ARHGAP15: variants seen among roughly 807,000 people sequenced by gnomAD.
The protein encoded by ARHGAP15 is Rho GTPase activating protein 15.
ARHGAP15 carries 51 observed loss-of-function variants against 63.7 expected under a neutral mutation model. That is an observed-to-expected ratio of 0.80 (90% CI 0.64 to 1.01). The LOEUF (loss-of-function observed/expected upper bound fraction) is 1.01, where lower values mean the gene tolerates loss of function less well. Ranked by LOEUF, ARHGAP15 falls within the 50% of genes least tolerant of loss-of-function variation. ARHGAP15 has a pLI of 0.00. For synonymous variants in ARHGAP15, 191 were observed against 193.8 expected (o/e 0.99, Z 0.12); for missense variants, 560 against 564.6 (o/e 0.99, Z 0.08).
At chr2:143,647,628 A>G (rs1680950328) in intron 12 of ARHGAP15, among the ~76,000 whole-genome samples, 1 of 152,048 alleles carries the variant, frequency 6.6e-6, no homozygotes, top group Non-Finnish European at 1.5e-5. Context: ...TAATTGTAAG[A>G]GGACAAGCCA....
At chr2:143,379,427 G>A (rs1247814284) in intron 6 of ARHGAP15, among the ~76,000 whole-genome samples, 1 of 150,162 alleles carries the variant, frequency 6.7e-6, no homozygotes, top group Non-Finnish European at 1.5e-5. Flanking sequence ...GACCCACACT[G>A]ACCATTCATA....
In ARHGAP15 at chr2:143,325,888, G is replaced by A. The variant is rs16822353; in HGVS notation, c.474+75288G>A. 9.7e-3 allele frequency among the ~76,000 whole-genome samples: 1,478 copies of A among 152,184 alleles called. 23 individuals are homozygous for A. Among genetic ancestry groups the A allele is most frequent in the African/African-American group, 0.034 (1,416 of 41,520 alleles). ...ATATGCCAGAAATAATCACCAGGAA[G>A]AATGATGACAAGTAAAAAAGGAAAC... On this transcript the variant is annotated intron_variant, in intron 6 of 13. Transcript: ENST00000295095.
At chr2:143,696,950 C>T (rs1440488538) in intron 12 of ARHGAP15, among the ~76,000 whole-genome samples, 1 of 152,166 alleles carries the variant, frequency 6.6e-6, no homozygotes, top group Non-Finnish European at 1.5e-5. Flanking sequence ...AAAAGCCAAA[C>T]TTACAATGTA....
intron 6 of ARHGAP15, among the ~76,000 whole-genome samples, chr2:143,325,945 C>A (rs568537699): frequency 6.6e-6 from 1 of 152,228 alleles, no homozygotes; most frequent in East Asian, 1.9e-4. Context: ...ATATTGCCCA[C>A]ACTGATCTTC....
rs79471671 is a variant in ARHGAP15 at position 143,490,480 on chromosome 2, G to C, written c.826+2985G>C. Among the ~76,000 whole-genome samples the C allele has an allele frequency of 3.9e-3, 591 of 152,260 alleles. 6 individuals carry two copies. The highest frequency in any genetic ancestry group is 0.014 in the African/African-American group (564 of 41,548). ...CCACAAAGCACTTAATGTGAAAAGA[G>C]ATTTACCCCAATATCACACAATCTA... On this transcript the variant is annotated intron_variant, in intron 9 of 13. Transcript: ENST00000295095.
intron 2 of ARHGAP15, among the ~76,000 whole-genome samples, chr2:143,175,311 T>C (rs139893653): frequency 4.1e-4 from 63 of 152,202 alleles, no homozygotes; most frequent in Non-Finnish European, 6.0e-4. Flanking sequence ...AATTTGAAAA[T>C]GTATTAACCA....
At chr2:143,628,766 T>A (rs1438052812) in intron 12 of ARHGAP15, among the ~76,000 whole-genome samples, 1 of 152,226 alleles carries the variant, frequency 6.6e-6, no homozygotes, top group African/African-American at 2.4e-5. Flanking sequence ...ATTGTCTGCA[T>A]CAAATTAATT....
At chr2:143,600,497 T>C (rs1440031342) in intron 11 of ARHGAP15, among the ~76,000 whole-genome samples, 1 of 152,190 alleles carries the variant, frequency 6.6e-6, no homozygotes, top group Non-Finnish European at 1.5e-5. Context: ...TTAAAAATCT[T>C]AAAATCATAG....
intron 2 of ARHGAP15, among the ~76,000 whole-genome samples, chr2:143,195,044 TA>T (rs937201108): frequency 2.2e-4 from 34 of 151,670 alleles, no homozygotes; most frequent in South Asian, 6.3e-4. Context: ...CAGATGTTTA[TA>T]AAAAAAAATC....
rs556525355 is a variant in ARHGAP15, at chr2:143,757,675, A to G, written c.1245-10314A>G. ...TTATTCAACAAATGTCATAGGGAAA[A>G]TCAGCTGGTTTCCAGAAAAAAAGTA... On this transcript the variant is annotated intron_variant, in intron 13 of 13. Coordinates refer to ENST00000295095, the MANE Select transcript of ARHGAP15 (RefSeq NM_018460.4). Among the ~76,000 whole-genome samples, 12 of 152,278 alleles carry G rather than the reference A, an allele frequency of 7.9e-5. No individual in the cohort carries two copies. In the East Asian group the frequency reaches 1.9e-3, roughly 25 times the overall value.
intron 6 of ARHGAP15, among the ~76,000 whole-genome samples, chr2:143,297,868 A>G (rs191808001): frequency 5.9e-5 from 9 of 152,018 alleles, no homozygotes; most frequent in Non-Finnish European, 8.8e-5. Context: ...AACCCACCAC[A>G]AAACAGTATA....
At chr2:143,281,285 TAC>T (rs1681835639) in intron 6 of ARHGAP15, among the ~76,000 whole-genome samples, 1 of 152,070 alleles carries the variant, frequency 6.6e-6, no homozygotes, top group Admixed American at 6.6e-5. Context: ...ATCAAATATA[TAC>T]ATAGGAAGGA....
intron 10 of ARHGAP15, among the ~76,000 whole-genome samples, chr2:143,540,142 C>T (rs1404046043): frequency 6.6e-6 from 1 of 152,136 alleles, no homozygotes; most frequent in African/African-American, 2.4e-5. Flanking sequence ...TAATGGCCTT[C>T]TTTGTCTCTT....
intron 6 of ARHGAP15, among the ~76,000 whole-genome samples, chr2:143,342,541 A>G (rs1286817242): frequency 1.3e-5 from 2 of 152,066 alleles, no homozygotes; most frequent in Non-Finnish European, 2.9e-5. Context: ...GTGTTATTGT[A>G]TAAGTAATTG....
At chr2:143,460,274 GCTCTT>G (rs1690872699) in intron 8 of ARHGAP15, among the ~76,000 whole-genome samples, 1 of 152,074 alleles carries the variant, frequency 6.6e-6, no homozygotes, top group South Asian at 2.1e-4. Flanking sequence ...TGAATATTTG[GCTCTT>G]CTCTTCTGAA....
intron 10 of ARHGAP15, among the ~76,000 whole-genome samples, chr2:143,554,222 A>G (rs1445811276): frequency 6.6e-6 from 1 of 152,210 alleles, no homozygotes; most frequent in Non-Finnish European, 1.5e-5. Flanking sequence ...TTTCTAAAAT[A>G]ATTATTATTC....
At chr2:143,627,622 C>T (rs1052488047) in intron 12 of ARHGAP15, among the ~76,000 whole-genome samples, 1 of 152,060 alleles carries the variant, frequency 6.6e-6, no homozygotes, top group Non-Finnish European at 1.5e-5. Flanking sequence ...GTGAGAAACT[C>T]AACAGATCCA....
intron 12 of ARHGAP15, among the ~76,000 whole-genome samples, chr2:143,659,909 G>T (rs1289014310): frequency 1.3e-5 from 2 of 151,916 alleles, no homozygotes; most frequent in Non-Finnish European, 2.9e-5. Context: ...TCCCCCAAGA[G>T]AATTTGAAGT....
At chr2:143,369,428 A>G (rs879539666) in intron 6 of ARHGAP15, among the ~76,000 whole-genome samples, 5 of 152,190 alleles carry the variant, frequency 3.3e-5, no homozygotes, top group Admixed American at 1.3e-4. Flanking sequence ...GACCAAAAGT[A>G]GACAAACCTT....
Sources: allele counts gnomAD v4.1 joint callset (sites outside exome capture counted in the v4.1 genomes callset), GRCh38; gene constraint gnomAD v4.1.1; transcripts MANE v1.5; gene names NCBI Gene and HGNC (gene_info 2026-07-23, HGNC 2026-07-21).